Variants in AGBL3 observed in about 807,000 individuals in gnomAD.
AGBL3 encodes the protein AGBL carboxypeptidase 3, also known as cytosolic carboxypeptidase 3.
A neutral mutation model predicts 94.5 loss-of-function variants in AGBL3; 68 were observed. The ratio of observed to expected loss-of-function variants is 0.72; its 90% CI spans 0.59 to 0.88. AGBL3 has a LOEUF of 0.88. Among genes scored for constraint, AGBL3 ranks in the 40% least tolerant of loss-of-function variants. The probability of loss-of-function intolerance (pLI) is 0.00; values close to 1 mark genes in which losing one functional copy is unlikely to be tolerated. For synonymous variants in AGBL3, 354 were observed against 370.7 expected (o/e 0.95, Z 0.52); for missense variants, 934 against 1,103.8 (o/e 0.85, Z 2.18).
chr7:135,053,381 G>A (rs1818057888), intron 11 of AGBL3, among the ~76,000 whole-genome samples: 1 of 152,152 alleles, frequency 6.6e-6, no homozygotes, highest in African/African-American at 2.4e-5. Flanking sequence ...GCTGAGGTAG[G>A]CGTATCACCT....
At chr7:135,131,659 G>T (rs550519947) in intron 16 of AGBL3, among the ~76,000 whole-genome samples, 6 of 151,588 alleles carry the variant, frequency 4.0e-5, no homozygotes, top group South Asian at 2.1e-4. Flanking sequence ...AAAAAGAAAA[G>T]CAAATAAACT....
At chr7:135,032,810 C>T in intron 5 of AGBL3, 34 bp from the exon 6 acceptor site, 2 of 1,526,578 alleles carry the variant, frequency 1.3e-6, no homozygotes, top group Non-Finnish European at 1.8e-6. Flanking sequence ...TTTAGGTATA[C>T]CTTGACATCT....
intron 8 of AGBL3, among the ~76,000 whole-genome samples, chr7:135,042,683 G>A (rs1014593770): frequency 5.9e-5 from 9 of 152,182 alleles, no homozygotes; most frequent in Non-Finnish European, 1.3e-4. Flanking sequence ...ACCAAGGCAG[G>A]AGGATGGCAT....
intron 7 of AGBL3, among the ~76,000 whole-genome samples, chr7:135,036,562 T>C (rs1426927782): frequency 6.6e-6 from 1 of 152,182 alleles, no homozygotes; most frequent in Non-Finnish European, 1.5e-5. Flanking sequence ...TCTAGATGAT[T>C]TGAAGCATTC....
chr7:135,069,827 A>G (rs1819709421), intron 12 of AGBL3, among the ~76,000 whole-genome samples: 1 of 152,262 alleles, frequency 6.6e-6, no homozygotes, highest in Non-Finnish European at 1.5e-5. Flanking sequence ...GAGAAGCAAG[A>G]GCAAACACAT....
intron 15 of AGBL3, among the ~76,000 whole-genome samples, chr7:135,099,545 C>A (rs1012545018): frequency 1.3e-5 from 2 of 151,934 alleles, no homozygotes; most frequent in African/African-American, 4.8e-5. Flanking sequence ...CTGAACGAGC[C>A]CCTTCTTGGC....
intron 11 of AGBL3, among the ~76,000 whole-genome samples, chr7:135,053,445 T>TA (rs1416395727): frequency 6.6e-6 from 1 of 152,006 alleles, no homozygotes; most frequent in Non-Finnish European, 1.5e-5. Context: ...CCATCTCTAC[T>TA]AAAAATACAA....
chr7:135,134,790 C>T, intron 16 of AGBL3, 51 bp from the exon 17 acceptor site: 1 of 1,468,452 alleles, frequency 6.8e-7, no homozygotes, highest in Admixed American at 2.1e-5. Flanking sequence ...CCTAGGACTA[C>T]AAAGTAGGTC....
intron 15 of AGBL3, chr7:135,093,094 A>C (rs1822099383): frequency 6.6e-6 from 1 of 151,938 alleles, no homozygotes; most frequent in African/African-American, 2.4e-5. Flanking sequence ...TGGTAGTGCA[A>C]GACTAAATGC....
chr7:135,017,178 A>C lies in AGBL3; in HGVS notation c.418+19A>C, dbSNP rs765013616. The C allele has an allele frequency of 2.8e-6, 4 of 1,448,464 alleles. No individual in the cohort carries two copies. The highest frequency in any genetic ancestry group is 3.8e-6 in the Non-Finnish European group (4 of 1,052,510). 89.7% of individuals were successfully genotyped at this position (1,448,464 alleles called of 1,614,324 possible). A position where few individuals can be genotyped will look rare whatever the true frequency, so the allele number is the denominator to read the frequency against. On this transcript the variant is annotated intron_variant, in intron 5 of 16. Coordinates refer to ENST00000436302, the MANE Select transcript of AGBL3 (RefSeq NM_178563.4). The stretch of plus-strand genomic sequence containing the variant: ...GAAGATGGTGAGCACATAATGACAC[A>C]TGTTGCTGTAAAATATAATTTGGTA...
chr7:135,109,555 A>C (rs1202168677), intron 15 of AGBL3, among the ~76,000 whole-genome samples: 1 of 151,892 alleles, frequency 6.6e-6, no homozygotes, highest in Non-Finnish European at 1.5e-5. Flanking sequence ...ATTTTTCAGC[A>C]CCTGAAGGTA....
chr7:135,039,374 G>A (rs1816619446), intron 8 of AGBL3, among the ~76,000 whole-genome samples: 1 of 152,108 alleles, frequency 6.6e-6, no homozygotes, highest in Admixed American at 6.5e-5. Flanking sequence ...TATGTAACAT[G>A]AAATTTTATG....
chr7:135,018,276 A>G (rs545411924), intron 5 of AGBL3, among the ~76,000 whole-genome samples: 1 of 152,346 alleles, frequency 6.6e-6, no homozygotes, highest in African/African-American at 2.4e-5. Context: ...GTAAAGAAAT[A>G]GACAACTGCC....
intron 16 of AGBL3, among the ~76,000 whole-genome samples, chr7:135,117,752 T>C (rs1826533311): frequency 1.3e-5 from 2 of 152,218 alleles, no homozygotes; most frequent in Admixed American, 6.5e-5. Flanking sequence ...TATACACCTA[T>C]ATCAGATACT....
chr7:135,064,424 A>T (rs1375205363), intron 12 of AGBL3, among the ~76,000 whole-genome samples: 1 of 152,184 alleles, frequency 6.6e-6, no homozygotes, highest in Non-Finnish European at 1.5e-5. Flanking sequence ...GAATGACATG[A>T]TCTGCCTCAA....
Position 135,135,161 on chromosome 7 carries a change from C to G in AGBL3, c.2663C>G (p.Ser888Cys). ...GCTGAAGAAACTAACCAGCAAAGCTCTAAGCATACAGCCCTCCATCTAACT... is the reference window on the plus strand; with the variant it reads ...GCTGAAGAAACTAACCAGCAAAGCTGTAAGCATACAGCCCTCCATCTAACT... ...LQAEETNQQSSKHTALHLTKN... is the reference protein window; with the variant it reads ...LQAEETNQQSCKHTALHLTKN... The change falls in exon 17 of 17, where the codon TCT (serine) becomes TGT (cysteine). Residue 888 changes from serine to cysteine, a missense_variant. Around this residue, in one of 3 missense-constraint regions of AGBL3, gnomAD observed 441 missense variants for 518.2 expected, o/e 0.85. Transcript: ENST00000436302. The G allele has an allele frequency of 6.4e-7, 1 of 1,551,062 alleles. No homozygotes were observed. The highest frequency in any genetic ancestry group is 8.7e-7 in the Non-Finnish European group (1 of 1,146,608).
chr7:135,055,523 A>AT (rs146216484), intron 11 of AGBL3, among the ~76,000 whole-genome samples: 73,628 of 151,742 alleles, frequency 0.49, 18,225 homozygotes, highest in South Asian at 0.66. Context: ...TATTGATATA[A>AT]TTTTTTTTCT....
At chr7:135,077,273 G>A (rs1402477637) in intron 13 of AGBL3, among the ~76,000 whole-genome samples, 23 of 152,166 alleles carry the variant, frequency 1.5e-4, no homozygotes. Context: ...CTCTACTTCA[G>A]GTGCTCCACC....
At chr7:135,045,647 C>A in intron 10 of AGBL3, 73 bp downstream of exon 10, 1 of 1,398,090 alleles carries the variant, frequency 7.2e-7, no homozygotes, top group Non-Finnish European at 9.9e-7. Context: ...TGGGCCTATG[C>A]AGTGTTTGCC....
Sources: gnomAD v4.1 joint callset for allele counts (sites outside exome capture counted in the v4.1 genomes callset) on GRCh38, gnomAD v4.1.1 for gene constraint, gnomAD v4.1.1 regional missense constraint, MANE v1.5 for transcripts, NCBI Gene and HGNC (gene_info 2026-07-23, HGNC 2026-07-21) for gene names.